CACNB4: variants seen among roughly 807,000 people sequenced by gnomAD.
CACNB4 encodes the protein calcium voltage-gated channel auxiliary subunit beta 4, also known as voltage-dependent L-type calcium channel subunit beta-4.
CACNB4 carries 32 observed loss-of-function variants against 71.2 expected under a neutral mutation model. That is an observed-to-expected ratio of 0.45 (90% CI 0.34 to 0.60). The LOEUF is 0.60. Among genes scored for constraint, CACNB4 ranks in the 20% least tolerant of loss-of-function variants. The pLI is 0.01. For missense variants in CACNB4, 464 were observed against 647.9 expected (o/e 0.72, Z 3.08); for synonymous variants, 231 against 236.9 (o/e 0.97, Z 0.23).
intron 2 of CACNB4, among the ~76,000 whole-genome samples, chr2:152,047,107 C>T (rs1685176281): frequency 1.3e-5 from 2 of 152,116 alleles, no homozygotes; most frequent in African/African-American, 4.8e-5. Flanking sequence ...AAATAACCTG[C>T]TAAGCAAGAA....
At chr2:151,943,205 G>A (rs1038104918) in intron 2 of CACNB4, among the ~76,000 whole-genome samples, 4 of 152,190 alleles carry the variant, frequency 2.6e-5, no homozygotes, top group Non-Finnish European at 5.9e-5. Context: ...TCCTCTCTTT[G>A]TACTCTTTCT....
chr2:152,098,743 G>A lies in CACNB4; in HGVS notation c.63+206C>T. On this transcript the variant is annotated intron_variant, in intron 1 of 13. Coordinates refer to ENST00000539935, the MANE Select transcript of CACNB4 (RefSeq NM_000726.5). The surrounding 1 kb of genome is among the most constrained non-coding windows in gnomAD (Gnocchi z 5.3). ...GCGGGAGCGCAGAGACCCGAAGGAG[G>A]GTGAGGAGGAGGAGGAAGAGAAGGA... is the stretch of plus-strand genomic sequence containing the variant. 3.9e-6 allele frequency: 6 copies of A among 1,520,912 alleles called. No homozygotes were observed. The highest frequency in any genetic ancestry group is 4.0e-5 in the Admixed American group (2 of 49,482). 94.2% of individuals were successfully genotyped at this position (1,520,912 alleles called of 1,614,324 possible). A position where few individuals can be genotyped will look rare whatever the true frequency, so the allele number is the denominator to read the frequency against.
At chr2:151,955,713 C>T (rs62175748) in intron 2 of CACNB4, among the ~76,000 whole-genome samples, 4,401 of 151,784 alleles carry the variant, frequency 0.029, 65 homozygotes, top group African/African-American at 0.04. Context: ...TGAACCAGCC[C>T]CGGCAACATA....
rs397825547 is a variant in CACNB4 at position 151,964,069 on chromosome 2, G to GAAAAAAA, written c.148-80706_148-80700dup. On this transcript the variant is annotated intron_variant, in intron 2 of 13. Transcript: ENST00000539935. ...GGCCAGAGCAAGACTCTGTCTCACAGAAAAAAAAAAAAAAAAAAAAAGAAT... is the reference window on the plus strand; with the variant it reads ...GGCCAGAGCAAGACTCTGTCTCACAGAAAAAAAAAAAAAAAAAAAAAAAAAAAAGAAT... Among the ~76,000 whole-genome samples, 17 of 99,162 alleles carry GAAAAAAA rather than the reference G, an allele frequency of 1.7e-4. 1 individual carries two copies. Among genetic ancestry groups the GAAAAAAA allele is most frequent in the Admixed American group, 3.9e-4 (3 of 7,672 alleles). The allele number at this position is 99,162 out of a possible 152,430, so 65.1% of individuals were successfully genotyped here.
intron 2 of CACNB4, among the ~76,000 whole-genome samples, chr2:151,950,282 C>T (rs1054651826): frequency 1.3e-5 from 2 of 152,038 alleles, no homozygotes; most frequent in Non-Finnish European, 2.9e-5. Context: ...CATTTTTAGC[C>T]TTGTTCCAAG....
intron 2 of CACNB4, among the ~76,000 whole-genome samples, chr2:152,025,000 G>A (rs919263816): frequency 6.6e-6 from 1 of 152,262 alleles, no homozygotes; most frequent in East Asian, 1.9e-4. Context: ...GGGTTGCAGT[G>A]AGCCAAGATC....
In CACNB4 at chr2:152,098,508, C is replaced by T; in HGVS notation, c.64-95G>A. The T allele has an allele frequency of 1.5e-6, 2 of 1,373,956 alleles. No individual in the cohort carries two copies. Among genetic ancestry groups the T allele is most frequent in the South Asian group, 1.2e-5 (1 of 86,110 alleles). The allele number at this position is 1,373,956 out of a possible 1,614,324, so 85.1% of individuals were successfully genotyped here. A position where few individuals can be genotyped will look rare whatever the true frequency, so the allele number is the denominator to read the frequency against. On this transcript the variant is annotated intron_variant, in intron 1 of 13. Coordinates refer to ENST00000539935, the MANE Select transcript of CACNB4 (RefSeq NM_000726.5). The surrounding 1 kb of genome is among the most constrained non-coding windows in gnomAD (Gnocchi z 5.3). Reference sequence around the variant, plus strand: ...CGGCTGGAGTCCGCCTCCGGACCCGCTCCCTGGGGTCCCCTAGAGCCCGCA... The same window carrying T: ...CGGCTGGAGTCCGCCTCCGGACCCGTTCCCTGGGGTCCCCTAGAGCCCGCA...
intron 2 of CACNB4, among the ~76,000 whole-genome samples, chr2:152,095,442 C>T (rs976658187): frequency 9.9e-5 from 15 of 151,722 alleles, no homozygotes; most frequent in African/African-American, 3.6e-4. Flanking sequence ...TGTAACACAT[C>T]GATTTTTTTT....
At chr2:152,035,651 C>CTCTCTCTCTCTCTCTCTCTATATA (rs796161186) in intron 2 of CACNB4, among the ~76,000 whole-genome samples, 116 of 118,032 alleles carry the variant, frequency 9.8e-4, no homozygotes, top group African/African-American at 3.9e-3. Context: ...CTCTCTCTCT[C>CTCTCTCTCTCTCTCTCTCTATATA]TATATATATA....
intron 2 of CACNB4, among the ~76,000 whole-genome samples, chr2:151,888,450 C>T (rs1183466730): frequency 6.6e-6 from 1 of 151,934 alleles, no homozygotes; most frequent in African/African-American, 2.4e-5. Context: ...ACTTATAGCC[C>T]CACTACTTGG....
intron 8 of CACNB4, chr2:151,870,210 A>C (rs2099844251): frequency 1.4e-6 from 1 of 696,104 alleles, no homozygotes; most frequent in South Asian, 1.5e-5. Flanking sequence ...ACTTCTAATA[A>C]TAATGAGAAT....
chr2:151,921,181 ATAAGTT>A (rs1374204585), intron 2 of CACNB4, among the ~76,000 whole-genome samples: 15 of 51,450 alleles, frequency 2.9e-4, no homozygotes, highest in Non-Finnish European at 8.5e-4. Flanking sequence ...AAATAAATAA[ATAAGTT>A]AAAAAAAAAC....
chr2:151,944,870 C>A (rs2099865188), intron 2 of CACNB4, among the ~76,000 whole-genome samples: 1 of 152,108 alleles, frequency 6.6e-6, no homozygotes, highest in African/African-American at 2.4e-5. Flanking sequence ...AGGACTAGAA[C>A]CCAGGAAGTC....
chr2:151,942,702 G>A (rs1434220761), intron 2 of CACNB4, among the ~76,000 whole-genome samples: 1 of 152,014 alleles, frequency 6.6e-6, no homozygotes, highest in South Asian at 2.1e-4. Flanking sequence ...TTCCTGGGGG[G>A]AGGTCTATAA....
intron 2 of CACNB4, among the ~76,000 whole-genome samples, chr2:151,992,579 C>G (rs965452551): frequency 3.3e-5 from 5 of 152,188 alleles, no homozygotes; most frequent in Admixed American, 6.5e-5. Flanking sequence ...AGAGTTCTAG[C>G]TTTTTCTGTA....
chr2:151,939,597 T>C (rs1380695005), intron 2 of CACNB4, among the ~76,000 whole-genome samples: 2 of 152,202 alleles, frequency 1.3e-5, no homozygotes, highest in African/African-American at 2.4e-5. Context: ...CTCTTCTCTC[T>C]GGCAGGTGAG....
At chr2:152,096,255 G>A (rs1688261138) in intron 2 of CACNB4, among the ~76,000 whole-genome samples, 1 of 152,072 alleles carries the variant, frequency 6.6e-6, no homozygotes, top group Non-Finnish European at 1.5e-5. Flanking sequence ...AGGATGAGGT[G>A]GGCAGATCAC....
intron 8 of CACNB4, 177 bp downstream of exon 8, chr2:151,870,354 G>C: frequency 1.4e-6 from 1 of 706,784 alleles, no homozygotes; most frequent in South Asian, 1.5e-5. Context: ...GTGTGCAAGA[G>C]AGGAAAGAAA....
At chr2:151,909,300 T>G (rs984889185) in intron 2 of CACNB4, among the ~76,000 whole-genome samples, 2 of 150,768 alleles carry the variant, frequency 1.3e-5, no homozygotes, top group African/African-American at 4.9e-5. Context: ...CGGGGCATGG[T>G]GGCGGGCACC....
Sources: allele counts gnomAD v4.1 joint callset (sites outside exome capture counted in the v4.1 genomes callset), GRCh38; gene constraint gnomAD v4.1.1; non-coding constraint Gnocchi (gnomAD v3.1); transcripts MANE v1.5; gene names NCBI Gene and HGNC (gene_info 2026-07-23, HGNC 2026-07-21).